The following DLGAP1 variants were observed in gnomAD, a reference collection of about 807,000 sequenced individuals.
DLGAP1 encodes the protein disks large-associated protein 1.
A neutral mutation model predicts 90.8 loss-of-function variants in DLGAP1; 11 were observed. The observed-to-expected ratio is 0.12, with a 90% CI of 0.08 to 0.20. DLGAP1 has a LOEUF of 0.20. DLGAP1 is among the 10% of genes least tolerant of loss of function. DLGAP1 has a pLI of 1.00. For missense variants in DLGAP1, 1,050 were observed against 1,333.8 expected (o/e 0.79, Z 3.31); for synonymous variants, 558 against 540.7 (o/e 1.03, Z -0.44).
intron 11 of DLGAP1, among the ~76,000 whole-genome samples, chr18:3,504,827 A>G (rs1396166876): frequency 6.6e-6 from 1 of 152,228 alleles, no homozygotes; most frequent in Non-Finnish European, 1.5e-5. Context: ...CAAATCAGTG[A>G]GTCATGTGAC....
chr18:4,150,253 C>G (rs1434931618), intron 2 of DLGAP1, among the ~76,000 whole-genome samples: 3 of 152,218 alleles, frequency 2.0e-5, no homozygotes, highest in Non-Finnish European at 2.9e-5. Flanking sequence ...GAATCTCCTT[C>G]TGATCTGACA....
intron 1 of DLGAP1, among the ~76,000 whole-genome samples, chr18:4,178,602 C>T (rs77266338): frequency 0.027 from 4,061 of 152,036 alleles, 155 homozygotes; most frequent in African/African-American, 0.087. Context: ...TTTTTTCATA[C>T]CCATTTCTTT....
intron 2 of DLGAP1, among the ~76,000 whole-genome samples, chr18:4,024,829 G>T (rs1484954732): frequency 6.6e-6 from 1 of 152,210 alleles, no homozygotes; most frequent in East Asian, 1.9e-4. Flanking sequence ...ACCTGGGAAG[G>T]TGATGGGCTT....
At chr18:4,175,734 G>A (rs1429489993) in intron 1 of DLGAP1, among the ~76,000 whole-genome samples, 1 of 152,128 alleles carries the variant, frequency 6.6e-6, no homozygotes, top group Non-Finnish European at 1.5e-5. Flanking sequence ...TTATAGATGT[G>A]TGGTGTTATT....
At chr18:4,258,164 C>T (rs2078933845) in intron 1 of DLGAP1, among the ~76,000 whole-genome samples, 1 of 152,006 alleles carries the variant, frequency 6.6e-6, no homozygotes, top group South Asian at 2.1e-4. Flanking sequence ...AGCTTCCCTA[C>T]TAGCTAAGAC....
At position 3,880,009 on chromosome 18, in the gene DLGAP1, ACAGGCCGAGTCG is replaced by A; in HGVS notation, c.48_59del (p.Ala19_Ser22del). On this transcript the variant is annotated inframe_deletion, in exon 4 of 13. Coordinates refer to ENST00000315677, the MANE Select transcript of DLGAP1 (RefSeq NM_004746.4). ...GGTCGGAGTGGTGCGACAGCGAGTC[ACAGGCCGAGTCG>A]CAGGTGACCCCGTGGTGATGGCTGC... 6.2e-7 allele frequency: 1 copy of A among 1,609,920 alleles called. No homozygotes were observed. Among genetic ancestry groups the A allele is most frequent in the Non-Finnish European group, 8.5e-7 (1 of 1,179,896 alleles).
chr18:3,741,230 A>G (rs556901497), intron 6 of DLGAP1, among the ~76,000 whole-genome samples: 20 of 101,244 alleles, frequency 2.0e-4, no homozygotes, highest in African/African-American at 6.6e-4. Context: ...CATCACCATC[A>G]CCACCACCAC....
intron 7 of DLGAP1, among the ~76,000 whole-genome samples, chr18:3,707,388 A>G (rs1213296949): frequency 1.3e-5 from 2 of 152,146 alleles, no homozygotes; most frequent in Non-Finnish European, 2.9e-5. Context: ...ACTGGAGGTC[A>G]GCAGTTTGAG....
intron 2 of DLGAP1, among the ~76,000 whole-genome samples, chr18:4,106,512 GC>G (rs58978048): frequency 0.058 from 8,884 of 152,228 alleles, 425 homozygotes; most frequent in East Asian, 0.18. Context: ...ATTGCGTTTA[GC>G]TGTTTTAACT....
intron 1 of DLGAP1, among the ~76,000 whole-genome samples, chr18:4,382,331 A>C (rs1258383353): frequency 2.6e-5 from 4 of 152,180 alleles, no homozygotes; most frequent in Non-Finnish European, 5.9e-5. Context: ...CAAAATATTA[A>C]GTACTCAATA....
At chr18:3,500,509 C>G (rs1336088108) in intron 12 of DLGAP1, among the ~76,000 whole-genome samples, 3 of 152,204 alleles carry the variant, frequency 2.0e-5, no homozygotes, top group Admixed American at 1.3e-4. Context: ...TTCCTCCCTG[C>G]TTGCCAGAGC....
In DLGAP1 at chr18:3,580,523, G is replaced by A. The variant is rs1195634462; in HGVS notation, c.1965+1352C>T. 2.5e-6 allele frequency: 4 copies of A among 1,598,066 alleles called. No homozygotes were observed. The African/African-American group carries it at 5.4e-5, about 21-fold the overall frequency. Reference sequence around the variant, plus strand: ...GGAGGAGGAGGAGGAAGAGGAGGCGGCGGCAGCGGAGATGGCAGTGGAGGT... The same window carrying A: ...GGAGGAGGAGGAGGAAGAGGAGGCGACGGCAGCGGAGATGGCAGTGGAGGT... On this transcript the variant is annotated intron_variant, in intron 8 of 12. Transcript: ENST00000315677.
intron 1 of DLGAP1, among the ~76,000 whole-genome samples, chr18:4,273,692 C>T (rs115885430): frequency 6.6e-6 from 1 of 152,192 alleles, no homozygotes; most frequent in African/African-American, 2.4e-5. Context: ...AATTCAGCCT[C>T]CCAGATAGCT....
intron 2 of DLGAP1, among the ~76,000 whole-genome samples, chr18:4,093,776 C>T (rs562483685): frequency 6.6e-6 from 1 of 152,112 alleles, no homozygotes; most frequent in African/African-American, 2.4e-5. Flanking sequence ...AATTTGATGG[C>T]TTTTTTCCTG....
At chr18:4,315,358 A>G (rs974652821) in intron 1 of DLGAP1, among the ~76,000 whole-genome samples, 5 of 152,216 alleles carry the variant, frequency 3.3e-5, no homozygotes, top group Non-Finnish European at 7.3e-5. Flanking sequence ...GTTATTATCT[A>G]GATATTTTGG....
chr18:3,643,073 T>C (rs947985645), intron 7 of DLGAP1, among the ~76,000 whole-genome samples: 1 of 152,236 alleles, frequency 6.6e-6, no homozygotes, highest in East Asian at 1.9e-4. Flanking sequence ...GAGTGAATTA[T>C]GGTACAATCA....
At chr18:3,622,349 C>A (rs1183576779) in intron 7 of DLGAP1, among the ~76,000 whole-genome samples, 1 of 152,146 alleles carries the variant, frequency 6.6e-6, no homozygotes, top group African/African-American at 2.4e-5. Flanking sequence ...TCGTGATCTG[C>A]CTGCTTCATT....
At chr18:4,312,421 T>A (rs1295214536) in intron 1 of DLGAP1, among the ~76,000 whole-genome samples, 3 of 152,132 alleles carry the variant, frequency 2.0e-5, no homozygotes, top group Non-Finnish European at 4.4e-5. Context: ...ACTTAAAAAA[T>A]TTTTCAATTT....
chr18:4,050,703 C>T (rs2075121607), intron 2 of DLGAP1, among the ~76,000 whole-genome samples: 1 of 152,160 alleles, frequency 6.6e-6, no homozygotes, highest in Admixed American at 6.5e-5. Context: ...CAAAAGATAA[C>T]ACACAGAACT....
Sources: allele counts gnomAD v4.1 joint callset (sites outside exome capture counted in the v4.1 genomes callset), GRCh38; gene constraint gnomAD v4.1.1; transcripts MANE v1.5; gene names NCBI Gene and HGNC (gene_info 2026-07-23, HGNC 2026-07-21).